CHODL: variants seen among roughly 807,000 people sequenced by gnomAD.
CHODL encodes transmembrane protein MT75.
A neutral mutation model predicts 34.5 loss-of-function variants in CHODL; 29 were observed. The observed-to-expected ratio is 0.84, with a 90% CI of 0.63 to 1.15. CHODL has a LOEUF of 1.15. Ranked by LOEUF, CHODL falls within the 50% of genes most tolerant of loss-of-function variation. The pLI, the probability that CHODL is intolerant of heterozygous loss-of-function variation, is 0.00. For missense variants in CHODL, 332 were observed against 332.5 expected (o/e 1.00, Z 0.01); for synonymous variants, 125 against 116.1 (o/e 1.08, Z -0.49).
At chr21:18,150,180 C>T (rs1160577112) in intron 2 of CHODL, among the ~76,000 whole-genome samples, 2 of 152,034 alleles carry the variant, frequency 1.3e-5, no homozygotes, top group African/African-American at 4.8e-5. Context: ...AGAAAGGAAA[C>T]GTCTGGGTTA....
rs182225243 is a variant in CHODL at position 18,096,325 on chromosome 21, C to T, written c.-45+68354C>T. ...GAAATCTGGGCATTCTAAAAAAGAA[C>T]AGGATAATACGATTTTCAGGGAACA... is the stretch of plus-strand genomic sequence containing the variant. On this transcript the variant is annotated intron_variant, in intron 2 of 6. Coordinates refer to the CHODL transcript ENST00000400127. Among the ~76,000 whole-genome samples, 3 of 152,112 alleles carry T rather than the reference C, an allele frequency of 2.0e-5. No individual in the cohort carries two copies. The East Asian group carries it at 5.8e-4, about 29-fold the overall frequency.
At chr21:18,255,777 AG>A (rs1424604683) in intron 1 of CHODL, among the ~76,000 whole-genome samples, 4 of 152,058 alleles carry the variant, frequency 2.6e-5, no homozygotes, top group Non-Finnish European at 5.9e-5. Flanking sequence ...CACTTATCAG[AG>A]ATGTCTCTGT....
intron 2 of CHODL, among the ~76,000 whole-genome samples, chr21:18,215,520 ATGTTGGGCTACTG>A (rs1407320386): frequency 1.3e-5 from 2 of 152,202 alleles, no homozygotes; most frequent in Non-Finnish European, 2.9e-5. Context: ...ACTCCCAGGT[ATGTTGGGCTACTG>A]TATTGTCTTT....
At chr21:18,006,369 G>GA (rs921798165) in intron 1 of CHODL, among the ~76,000 whole-genome samples, 32 of 148,268 alleles carry the variant, frequency 2.2e-4, no homozygotes, top group East Asian at 7.9e-4. Context: ...AAAAAAAAAA[G>GA]AAAAAAAAAT....
chr21:18,187,372 T>G (rs2073456158), intron 2 of CHODL, among the ~76,000 whole-genome samples: 1 of 152,164 alleles, frequency 6.6e-6, no homozygotes, highest in South Asian at 2.1e-4. Flanking sequence ...CTTCCTTTAA[T>G]ATTCAGCTCA....
chr21:18,080,970 A>G (rs2064934680), intron 2 of CHODL, among the ~76,000 whole-genome samples: 1 of 152,230 alleles, frequency 6.6e-6, no homozygotes, highest in Admixed American at 6.5e-5. Flanking sequence ...ATCTATGAGC[A>G]TGGGATGTTT....
At chr21:18,263,353 G>C (rs1036752507) in intron 5 of CHODL, among the ~76,000 whole-genome samples, 3 of 152,074 alleles carry the variant, frequency 2.0e-5, no homozygotes, top group Non-Finnish European at 4.4e-5. Context: ...TCAAGTCACA[G>C]GTTTCTGTTT....
intron 2 of CHODL, among the ~76,000 whole-genome samples, chr21:18,099,227 T>G (rs535403350): frequency 1.3e-5 from 2 of 152,056 alleles, no homozygotes; most frequent in African/African-American, 4.8e-5. Flanking sequence ...TTAAAATAAC[T>G]AAGAGTATAA....
intron 2 of CHODL, among the ~76,000 whole-genome samples, chr21:18,230,651 A>G (rs1601175171): frequency 6.6e-6 from 1 of 152,126 alleles, no homozygotes; most frequent in South Asian, 2.1e-4. Flanking sequence ...ATTTATGTCT[A>G]GTGGCATTTC....
At chr21:18,113,370 A>G (rs1032890745) in intron 2 of CHODL, among the ~76,000 whole-genome samples, 1 of 152,148 alleles carries the variant, frequency 6.6e-6, no homozygotes, top group Non-Finnish European at 1.5e-5. Context: ...CTAAAAATTG[A>G]GCTACTATAT....
chr21:18,034,413 G>A (rs1248397499), intron 2 of CHODL: 3 of 151,984 alleles, frequency 2.0e-5, no homozygotes, highest in African/African-American at 7.2e-5. Flanking sequence ...CAGGGCTTGG[G>A]AAGTCTTCCA....
intron 2 of CHODL, among the ~76,000 whole-genome samples, chr21:18,095,972 T>G (rs1171110051): frequency 6.6e-6 from 1 of 152,184 alleles, no homozygotes; most frequent in Non-Finnish European, 1.5e-5. Flanking sequence ...GATAAATGTT[T>G]CGGGAAGTCA....
At chr21:18,240,484 C>A (rs1483112189), upstream of CHODL, among the ~76,000 whole-genome samples, 1 of 152,046 alleles carries the variant, frequency 6.6e-6, no homozygotes, top group African/African-American at 2.4e-5. Flanking sequence ...AATAATCTTA[C>A]CGTAGTACAA....
At chr21:18,194,371 A>G (rs892333555) in intron 2 of CHODL, among the ~76,000 whole-genome samples, 1 of 152,128 alleles carries the variant, frequency 6.6e-6, no homozygotes, top group Non-Finnish European at 1.5e-5. Context: ...CTAGGTCTCC[A>G]TGCTTCAGCC....
At chr21:18,263,220 C>T (rs1359052236) in intron 5 of CHODL, among the ~76,000 whole-genome samples, 1 of 152,044 alleles carries the variant, frequency 6.6e-6, no homozygotes, top group African/African-American at 2.4e-5. Context: ...CCAACATATG[C>T]ACTATATTAT....
intron 2 of CHODL, among the ~76,000 whole-genome samples, chr21:18,189,872 A>C (rs911719613): frequency 3.3e-5 from 5 of 152,148 alleles, no homozygotes; most frequent in South Asian, 2.1e-4. Flanking sequence ...TGACCTCAGA[A>C]GATCTGCCCA....
intron 1 of CHODL, among the ~76,000 whole-genome samples, chr21:17,921,970 T>C (rs1030412472): frequency 1.4e-5 from 2 of 146,516 alleles, no homozygotes; most frequent in African/African-American, 5.0e-5. Flanking sequence ...TGACAGATTG[T>C]CCAGATTTAT....
intron 2 of CHODL, among the ~76,000 whole-genome samples, chr21:18,090,369 T>A (rs1200044554): frequency 6.6e-6 from 1 of 152,088 alleles, no homozygotes; most frequent in African/African-American, 2.4e-5. Flanking sequence ...AGCCTGCTGG[T>A]CAAGAAGCCC....
intron 2 of CHODL, among the ~76,000 whole-genome samples, chr21:18,067,840 G>C (rs543516193): frequency 6.6e-6 from 1 of 152,022 alleles, no homozygotes; most frequent in Admixed American, 6.6e-5. Flanking sequence ...ATATTATCAC[G>C]CAACAGTCTA....
Sources: gnomAD v4.1 joint callset for allele counts (sites outside exome capture counted in the v4.1 genomes callset) on GRCh38, gnomAD v4.1.1 for gene constraint, MANE v1.5 for transcripts, NCBI Gene and HGNC (gene_info 2026-07-23, HGNC 2026-07-21) for gene names.